The following EXOC6 variants were observed in gnomAD, a reference collection of about 807,000 sequenced individuals.
The protein encoded by EXOC6 is SEC15-like 1.
Under a neutral mutation model 112.5 loss-of-function variants are expected in EXOC6, and 60 were observed. That is an observed-to-expected ratio of 0.53 (90% CI 0.43 to 0.66). The LOEUF (loss-of-function observed/expected upper bound fraction) is 0.66. EXOC6 is among the 30% of genes least tolerant of loss of function. The pLI, the probability that EXOC6 is intolerant of heterozygous loss-of-function variation, is 0.00. For synonymous variants in EXOC6, 295 were observed against 308.0 expected (o/e 0.96, Z 0.44); for missense variants, 855 against 957.1 (o/e 0.89, Z 1.41).
In EXOC6 at chr10:92,827,491, A is replaced by AAAAAT. The variant is rs1846405840; in HGVS notation, c.-27+551_-27+552insTAAAA. Among the ~76,000 whole-genome samples the AAAAAT allele has an allele frequency of 3.3e-5, 5 of 150,112 alleles. 1 individual carries two copies. The highest frequency in any genetic ancestry group is 4.3e-4 in the South Asian group (2 of 4,704). On this transcript the variant is annotated intron_variant, in intron 1 of 22. Transcript: ENST00000671701. ...CCTGTTGCCAAAAAAAAAAAAAAAA[A>AAAAAT]AAAAAAAAAAAAAAATCCCCATGTT...
At chr10:92,946,263 T>C (rs1852994668) in intron 13 of EXOC6, among the ~76,000 whole-genome samples, 1 of 152,040 alleles carries the variant, frequency 6.6e-6, no homozygotes, top group Non-Finnish European at 1.5e-5. Flanking sequence ...GCCACTGCAC[T>C]CCAGCCTGGG....
chr10:93,042,718 T>C (rs1845837964), intron 20 of EXOC6, among the ~76,000 whole-genome samples: 1 of 152,180 alleles, frequency 6.6e-6, no homozygotes, highest in African/African-American at 2.4e-5. Flanking sequence ...TGTGGTACTT[T>C]GTTATGGTAA....
chr10:92,893,330 C>A lies in EXOC6; in HGVS notation c.102-19C>A. ...AATAATACATTTTGGTTAATTTTAG[C>A]TTTCTTATATACATTCAGGTCTGTG... On this transcript the variant is annotated intron_variant, in intron 1 of 21. Coordinates refer to ENST00000260762, the MANE Select transcript of EXOC6 (RefSeq NM_019053.6). The A allele has an allele frequency of 6.5e-7, 1 of 1,531,316 alleles. No homozygotes were observed. The allele number at this position is 1,531,316 out of a possible 1,614,324, so 94.9% of individuals were successfully genotyped here.
chr10:92,967,004 C>T (rs929303204), intron 17 of EXOC6, among the ~76,000 whole-genome samples: 3 of 145,692 alleles, frequency 2.1e-5, no homozygotes, highest in African/African-American at 7.8e-5. Flanking sequence ...GATGGTATCT[C>T]ATTGTGGTTT....
intron 15 of EXOC6, 66 bp from the exon 16 acceptor site, chr10:92,954,564 A>G (rs370881128): frequency 3.1e-5 from 23 of 743,272 alleles, no homozygotes; most frequent in East Asian, 8.1e-5. Context: ...GTGTTAAATT[A>G]TTTAGGATGT....
chr10:92,929,967 A>G (rs1255788479), intron 9 of EXOC6, among the ~76,000 whole-genome samples: 1 of 152,250 alleles, frequency 6.6e-6, no homozygotes, highest in Non-Finnish European at 1.5e-5. Flanking sequence ...CCACAGAGTC[A>G]AGTCCAAGGA....
intron 20 of EXOC6, among the ~76,000 whole-genome samples, chr10:93,020,606 A>G (rs1420647226): frequency 6.6e-6 from 1 of 152,178 alleles, no homozygotes; most frequent in South Asian, 2.1e-4. Flanking sequence ...GTCTTCTAAA[A>G]TAAGACACAG....
At chr10:92,984,938 G>C (rs1442745279) in intron 18 of EXOC6, among the ~76,000 whole-genome samples, 1 of 152,094 alleles carries the variant, frequency 6.6e-6, no homozygotes, top group Non-Finnish European at 1.5e-5. Context: ...AGTCTAGGCT[G>C]CAGTGAGCCA....
At chr10:93,006,196 GA>G (rs71932344) in intron 19 of EXOC6, among the ~76,000 whole-genome samples, 106 of 139,524 alleles carry the variant, frequency 7.6e-4, no homozygotes, top group African/African-American at 1.8e-3. Context: ...AGCCAAAAAA[GA>G]AAAAAAAAAA....
At chr10:92,969,129 A>G (rs1842184573) in intron 17 of EXOC6, among the ~76,000 whole-genome samples, 1 of 152,126 alleles carries the variant, frequency 6.6e-6, no homozygotes, top group South Asian at 2.1e-4. Flanking sequence ...GCTAGGACAT[A>G]AAAGGCAATG....
At chr10:92,886,973 T>A (rs1198571874) in intron 1 of EXOC6, among the ~76,000 whole-genome samples, 3 of 152,214 alleles carry the variant, frequency 2.0e-5, no homozygotes, top group Admixed American at 2.0e-4. Context: ...TTTTTATCAT[T>A]ACCATCATTA....
At chr10:92,996,644 A>G (rs542294440) in intron 18 of EXOC6, among the ~76,000 whole-genome samples, 1 of 152,082 alleles carries the variant, frequency 6.6e-6, no homozygotes, top group East Asian at 1.9e-4. Context: ...AAAGTGATGT[A>G]GTTTTGTGAG....
At chr10:92,997,376 A>G in intron 18 of EXOC6, 98 bp from the exon 19 acceptor site, 1 of 1,167,884 alleles carries the variant, frequency 8.6e-7, no homozygotes, top group Non-Finnish European at 1.2e-6. Context: ...AAGCATAAGC[A>G]ACAAAAAGAA....
chr10:92,954,494 G>A (rs901247330), intron 15 of EXOC6, 136 bp from the exon 16 acceptor site: 3 of 470,148 alleles, frequency 6.4e-6, no homozygotes, highest in African/African-American at 6.0e-5. Flanking sequence ...AATAAATATG[G>A]GTCTTTGTAG....
At chr10:92,976,413 A>G (rs560707394) in intron 18 of EXOC6, among the ~76,000 whole-genome samples, 6 of 152,138 alleles carry the variant, frequency 3.9e-5, no homozygotes, top group Admixed American at 1.3e-4. Context: ...TCAGGGTTGA[A>G]TGGATTAAGG....
chr10:92,954,232 A>G (rs1438683415), intron 15 of EXOC6, among the ~76,000 whole-genome samples: 2 of 152,162 alleles, frequency 1.3e-5, no homozygotes, highest in African/African-American at 4.8e-5. Flanking sequence ...GTGAGCTATA[A>G]TTGCACCACT....
In EXOC6 at chr10:92,937,746, G is replaced by A. The variant is rs147605667; in HGVS notation, c.1212+1861G>A. ...GGGAGCCCATTTCTAAGTAGCTTGA[G>A]ATATTAGGTTAGTGCAAAAGTAATT... On this transcript the variant is annotated intron_variant, in intron 12 of 21. Coordinates refer to ENST00000260762, the MANE Select transcript of EXOC6 (RefSeq NM_019053.6). 2.1e-3 allele frequency among the ~76,000 whole-genome samples: 320 copies of A among 152,262 alleles called. 2 individuals carry two copies. Among genetic ancestry groups the A allele is most frequent in the African/African-American group, 7.4e-3 (308 of 41,560 alleles).
At position 92,987,634 on chromosome 10, in the gene EXOC6, G is replaced by GTAAGTAGATATAAA. The variant is rs1843061298; in HGVS notation, c.1954-9840_1954-9839insTAAGTAGATATAAA. 3 of 984,982 alleles carry GTAAGTAGATATAAA rather than the reference G, an allele frequency of 3.0e-6. No homozygotes were observed. In the Admixed American group the frequency reaches 1.8e-4, roughly 61 times the overall value. 61.0% of individuals were successfully genotyped at this position (984,982 alleles called of 1,614,324 possible). ...TCAGACTAACAACAATGATCATGCA[G>GTAAGTAGATATAAA]CCATGTCGGTAAGTAGATATAAACT... On this transcript the variant is annotated intron_variant, in intron 18 of 21. Coordinates refer to ENST00000260762, the MANE Select transcript of EXOC6 (RefSeq NM_019053.6).
intron 1 of EXOC6, among the ~76,000 whole-genome samples, chr10:92,857,338 A>G (rs977051456): frequency 2.0e-5 from 3 of 152,110 alleles, no homozygotes; most frequent in Non-Finnish European, 4.4e-5. Context: ...TAAGGTATAG[A>G]AATGTTACTC....
Sources: allele counts gnomAD v4.1 joint callset (sites outside exome capture counted in the v4.1 genomes callset), GRCh38; gene constraint gnomAD v4.1.1; transcripts MANE v1.5; gene names NCBI Gene and HGNC (gene_info 2026-07-23, HGNC 2026-07-21).